Variants in POC1B observed in about 807,000 individuals in gnomAD.
POC1B encodes POC1 centriolar protein B.
Under a neutral mutation model 60.6 loss-of-function variants are expected in POC1B, and 44 were observed. The observed-to-expected ratio is 0.73, with a 90% CI of 0.57 to 0.93. The LOEUF is 0.93. Ranked by LOEUF, POC1B falls within the 40% of genes least tolerant of loss-of-function variation. The pLI, the probability that POC1B is intolerant of heterozygous loss-of-function variation, is 0.00. For synonymous variants in POC1B, 180 were observed against 198.9 expected, an observed-to-expected ratio of 0.90 and a Z score of 0.80; for missense variants, 555 against 572.3, an observed-to-expected ratio of 0.97 and a Z score of 0.31.
chr12:89,491,626 A>G (rs1565747458), intron 4 of POC1B, among the ~76,000 whole-genome samples: 1 of 147,340 alleles, frequency 6.8e-6, no homozygotes, highest in Non-Finnish European at 1.5e-5. Context: ...CCGTGTCTCA[A>G]AAAAAAAAAA....
At chr12:89,504,950 T>A (rs1239256434) in intron 2 of POC1B, among the ~76,000 whole-genome samples, 4 of 151,562 alleles carry the variant, frequency 2.6e-5, no homozygotes, top group Non-Finnish European at 5.9e-5. Flanking sequence ...ACAAAAAAAA[T>A]AAAATTTAAA....
At chr12:89,402,249 T>C in the POC1B span, among the ~76,000 whole-genome samples, 1 of 152,210 alleles carries the variant, frequency 6.6e-6, no homozygotes, top group Non-Finnish European at 1.5e-5. Flanking sequence ...TATTCTGCTA[T>C]TGTCCTTCTT....
chr12:89,402,364 CA>C, the POC1B span, among the ~76,000 whole-genome samples: 1 of 151,816 alleles, frequency 6.6e-6, no homozygotes, highest in Non-Finnish European at 1.5e-5. Flanking sequence ...CACACACACA[CA>C]CACACCCCTT....
intron 2 of POC1B, 52 bp downstream of exon 2, chr12:89,525,068 C>T (rs1032578056): frequency 5.6e-6 from 9 of 1,610,482 alleles, no homozygotes; most frequent in Non-Finnish European, 7.6e-6. Flanking sequence ...GAAAGGTTTC[C>T]GGCCCATGGA....
rs747835839 is a variant in POC1B, at chr12:89,492,003, A to C, written c.385T>G (p.Trp129Gly). 1 of 1,608,598 alleles carries C rather than the reference A, an allele frequency of 6.2e-7. No individual in the cohort carries two copies. Among genetic ancestry groups the C allele is most frequent in the Non-Finnish European group, 8.5e-7 (1 of 1,178,230 alleles). ...TASEDKSIKV[W>G]SMYRQRFLYS... ...AGGAAGCGCTGGCGATACATGCTCCATACTTTTATGGATTTGTCTTCAGAA... is the reference window on the plus strand; with the variant it reads ...AGGAAGCGCTGGCGATACATGCTCCCTACTTTTATGGATTTGTCTTCAGAA... Residue 129 changes from tryptophan to glycine, a missense_variant, in exon 4 of 12, where the codon TGG becomes GGG. Coordinates refer to ENST00000313546, the MANE Select transcript of POC1B (RefSeq NM_172240.3).
chr12:89,411,958 A>G, the POC1B span, among the ~76,000 whole-genome samples: 2 of 152,326 alleles, frequency 1.3e-5, no homozygotes, highest in Non-Finnish European at 2.9e-5. Context: ...CTCGGGTTCT[A>G]TCCTCTAGGC....
intron 4 of POC1B, among the ~76,000 whole-genome samples, chr12:89,478,016 C>T (rs1394021388): frequency 1.3e-5 from 2 of 152,170 alleles, no homozygotes; most frequent in Non-Finnish European, 2.9e-5. Context: ...GAACGGCCTT[C>T]CTGAACACTG....
chr12:89,499,968 A>T, intron 2 of POC1B: 1 of 687,002 alleles, frequency 1.5e-6, no homozygotes, highest in Non-Finnish European at 2.5e-6. Flanking sequence ...ATCGCCTTCG[A>T]CTTAAGGGTG....
intron 10 of POC1B, among the ~76,000 whole-genome samples, chr12:89,444,276 A>C (rs935782554): frequency 9.2e-5 from 14 of 152,226 alleles, no homozygotes; most frequent in Admixed American, 3.9e-4. Context: ...TCATCCTGAT[A>C]CCAAAGCCTG....
the POC1B span, among the ~76,000 whole-genome samples, chr12:89,410,850 T>A: frequency 6.6e-6 from 1 of 152,158 alleles, no homozygotes. Flanking sequence ...GCAGATGACA[T>A]GATTGTATAT....
chr12:89,432,855 A>G (rs569116003), intron 10 of POC1B, among the ~76,000 whole-genome samples: 1 of 152,344 alleles, frequency 6.6e-6, no homozygotes, highest in South Asian at 2.1e-4. Flanking sequence ...TGGCACGTAG[A>G]TCTTTTTATC....
At chr12:89,453,058 T>G (rs1882118342) in intron 10 of POC1B, among the ~76,000 whole-genome samples, 1 of 152,352 alleles carries the variant, frequency 6.6e-6, no homozygotes, top group Non-Finnish European at 1.5e-5. Context: ...TAATGTGTTT[T>G]CTGTTTCTAA....
intron 2 of POC1B, chr12:89,500,640 C>T: frequency 1.3e-6 from 2 of 1,585,736 alleles, no homozygotes; most frequent in South Asian, 2.2e-5. Flanking sequence ...AAGAGAGAGA[C>T]TTACACTTTT....
chr12:89,516,748 T>A (rs1308081983), intron 2 of POC1B, among the ~76,000 whole-genome samples: 6 of 152,142 alleles, frequency 3.9e-5, no homozygotes, highest in African/African-American at 1.4e-4. Flanking sequence ...CGGGCCACAC[T>A]CTCTCCAAAG....
intron 2 of POC1B, among the ~76,000 whole-genome samples, chr12:89,509,111 A>G (rs1482940771): frequency 6.6e-6 from 1 of 152,196 alleles, no homozygotes; most frequent in East Asian, 1.9e-4. Flanking sequence ...TTGATGTTTA[A>G]TTAGTAAGTT....
In POC1B at chr12:89,513,692, G is replaced by A. The variant is rs374968851; in HGVS notation, c.100+11428C>T. 2.4e-4 allele frequency among the ~76,000 whole-genome samples: 36 copies of A among 152,276 alleles called. No individual in the cohort carries two copies. In the East Asian group the frequency reaches 5.8e-3, roughly 25 times the overall value. ...GTCCCCAACCCCCAGGCTGCGAACT[G>A]GTTCTGGTCCATGGCCTATTAGGAA... On this transcript the variant is annotated intron_variant, in intron 2 of 11. Transcript: ENST00000313546.
chr12:89,425,515 G>A (rs1592576040), intron 10 of POC1B, 136 bp from the exon 11 acceptor site: 9 of 562,346 alleles, frequency 1.6e-5, no homozygotes, highest in South Asian at 3.0e-5. Flanking sequence ...AATAAGTTAT[G>A]GAAATTACTA....
chr12:89,492,308 G>A (rs1316869205), intron 3 of POC1B, among the ~76,000 whole-genome samples, 193 bp from the exon 4 acceptor site: 1 of 151,996 alleles, frequency 6.6e-6, no homozygotes, highest in African/African-American at 2.4e-5. Flanking sequence ...TGAAATTTCA[G>A]GTGTTGAGAA....
At chr12:89,407,005 G>A in the POC1B span, among the ~76,000 whole-genome samples, 25 of 151,490 alleles carry the variant, frequency 1.7e-4, no homozygotes, top group South Asian at 3.5e-3. Context: ...AAAATTAGCC[G>A]GGCGTGATGG....
Sources: allele counts gnomAD v4.1 joint callset (sites outside exome capture counted in the v4.1 genomes callset), GRCh38; gene constraint gnomAD v4.1.1; transcripts MANE v1.5; gene names NCBI Gene and HGNC (gene_info 2026-07-23, HGNC 2026-07-21).